Variants in BNC2 observed in about 807,000 individuals in gnomAD.
BNC2 encodes zinc finger protein basonuclin-2.
In BNC2, 20 loss-of-function variants were observed where a neutral mutation model predicts 76.3. That is an observed-to-expected ratio of 0.26 (90% confidence interval 0.18 to 0.38). The LOEUF is 0.38. BNC2 is among the 10% of genes least tolerant of loss of function. The pLI, the probability that BNC2 is intolerant of heterozygous loss-of-function variation, is 1.00. For synonymous variants in BNC2, 582 were observed against 514.8 expected (o/e 1.13, Z -1.77); for missense variants, 1,382 against 1,399.8 (o/e 0.99, Z 0.20).
At chr9:16,608,745 A>G (rs1249906468) in intron 3 of BNC2, among the ~76,000 whole-genome samples, 1 of 152,132 alleles carries the variant, frequency 6.6e-6, no homozygotes, top group Non-Finnish European at 1.5e-5. Flanking sequence ...TGATGTCATG[A>G]AAAGATAACC....
chr9:16,605,157 T>C (rs893033536), intron 3 of BNC2, among the ~76,000 whole-genome samples: 13 of 152,232 alleles, frequency 8.5e-5, no homozygotes, highest in African/African-American at 2.9e-4. Context: ...GACCTCTATC[T>C]AATTCACCAA....
intron 3 of BNC2, among the ~76,000 whole-genome samples, chr9:16,640,115 A>G (rs1171178400): frequency 2.0e-5 from 3 of 152,186 alleles, no homozygotes; most frequent in African/African-American, 7.2e-5. Flanking sequence ...AGAGACTAGC[A>G]AAGAATTTGA....
intron 1 of BNC2, among the ~76,000 whole-genome samples, chr9:16,764,731 A>G (rs1191821627): frequency 3.4e-5 from 2 of 59,650 alleles, no homozygotes; most frequent in East Asian, 7.2e-4. Context: ...AACTTTACTT[A>G]TTTGTCTGTT....
intron 1 of BNC2, among the ~76,000 whole-genome samples, chr9:16,781,168 C>T (rs1297556219): frequency 6.6e-6 from 1 of 151,856 alleles, no homozygotes; most frequent in African/African-American, 2.4e-5. Context: ...AGCCACGTAA[C>T]ATTTTGTTCA....
At chr9:16,692,933 T>C (rs1394809631) in intron 3 of BNC2, among the ~76,000 whole-genome samples, 3 of 151,886 alleles carry the variant, frequency 2.0e-5, no homozygotes, top group Non-Finnish European at 2.9e-5. Flanking sequence ...AATTCGACAC[T>C]AGCCTGGCCG....
At chr9:16,820,547 A>C (rs1008983503) in intron 1 of BNC2, among the ~76,000 whole-genome samples, 7 of 152,216 alleles carry the variant, frequency 4.6e-5, no homozygotes, top group Non-Finnish European at 1.0e-4. Context: ...AACCAGGCTT[A>C]AATAACTATG....
intron 6 of BNC2, among the ~76,000 whole-genome samples, chr9:16,430,867 G>C (rs186468078): frequency 2.6e-5 from 4 of 152,184 alleles, no homozygotes; most frequent in Non-Finnish European, 5.9e-5. Context: ...CAATCGAATG[G>C]AAGGTTCACA....
chr9:16,514,855 C>A (rs1488046870), intron 5 of BNC2, among the ~76,000 whole-genome samples: 1 of 152,202 alleles, frequency 6.6e-6, no homozygotes, highest in Non-Finnish European at 1.5e-5. Flanking sequence ...AAAACCATTT[C>A]TTTCTTCATT....
At chr9:16,544,053 T>C (rs537856854) in intron 5 of BNC2, among the ~76,000 whole-genome samples, 260 of 152,302 alleles carry the variant, frequency 1.7e-3, no homozygotes, top group Non-Finnish European at 2.3e-3. Context: ...CTTCCTTATG[T>C]CATGGTGTTG....
intron 2 of BNC2, among the ~76,000 whole-genome samples, chr9:16,733,162 TA>T (rs2135058235): frequency 6.6e-6 from 1 of 152,276 alleles, no homozygotes; most frequent in African/African-American, 2.4e-5. Flanking sequence ...GAGAACAAAG[TA>T]TGGGACTTGC....
chr9:16,735,336 C>T (rs73419961), intron 2 of BNC2, among the ~76,000 whole-genome samples: 25 of 148,618 alleles, frequency 1.7e-4, no homozygotes, highest in African/African-American at 5.7e-4. Context: ...AACCTATATT[C>T]AATGTTTTAT....
At chr9:16,496,151 C>T (rs777977616) in intron 5 of BNC2, among the ~76,000 whole-genome samples, 4 of 151,946 alleles carry the variant, frequency 2.6e-5, no homozygotes, top group South Asian at 2.1e-4. Context: ...TCAGGTGATC[C>T]GCCCGCCTCA....
intron 3 of BNC2, among the ~76,000 whole-genome samples, chr9:16,689,638 G>T (rs560754000): frequency 1.6e-4 from 24 of 150,986 alleles, no homozygotes; most frequent in South Asian, 1.3e-3. Flanking sequence ...GATATACAAT[G>T]TAAGTTTAAA....
At chr9:16,866,979 T>C (rs1819559831) in intron 1 of BNC2, among the ~76,000 whole-genome samples, 1 of 152,180 alleles carries the variant, frequency 6.6e-6, no homozygotes, top group African/African-American at 2.4e-5. Flanking sequence ...TCAGAAAGCG[T>C]TGCTCCTTAT....
At chr9:16,524,986 T>C in intron 5 of BNC2, among the ~76,000 whole-genome samples, 1 of 149,962 alleles carries the variant, frequency 6.7e-6, no homozygotes. Flanking sequence ...GGTGGGAGGA[T>C]CACTTGAGCC....
At chr9:16,814,714 G>A (rs775239588) in intron 1 of BNC2, among the ~76,000 whole-genome samples, 8 of 152,150 alleles carry the variant, frequency 5.3e-5, no homozygotes, top group Non-Finnish European at 1.2e-4. Flanking sequence ...GATTACTGTT[G>A]GGAAGAGAAG....
At chr9:16,711,043 T>C (rs1823822789) in intron 3 of BNC2, among the ~76,000 whole-genome samples, 1 of 151,682 alleles carries the variant, frequency 6.6e-6, no homozygotes, top group African/African-American at 2.4e-5. Context: ...TCGCTCCCTC[T>C]AATGAGAGCA....
chr9:16,777,881 G>A (rs977020475), intron 1 of BNC2, among the ~76,000 whole-genome samples: 2 of 152,014 alleles, frequency 1.3e-5, no homozygotes, highest in Non-Finnish European at 2.9e-5. Flanking sequence ...CTCTGAGACC[G>A]GAAAAAAATT....
chr9:16,461,788 C>A (rs1159030290), intron 5 of BNC2, among the ~76,000 whole-genome samples: 2 of 152,316 alleles, frequency 1.3e-5, no homozygotes, highest in East Asian at 3.9e-4. Flanking sequence ...CAGGGACTCA[C>A]AACCTTCTTG....
Sources: gnomAD v4.1 joint callset for allele counts (sites outside exome capture counted in the v4.1 genomes callset) on GRCh38, gnomAD v4.1.1 for gene constraint, MANE v1.5 for transcripts, NCBI Gene and HGNC (gene_info 2026-07-23, HGNC 2026-07-21) for gene names.